Variants in OR2T12 observed in about 807,000 individuals in gnomAD.
OR2T12 encodes olfactory receptor family 2 subfamily T member 12.
For missense variants in OR2T12, 335 were observed against 404.3 expected, an observed-to-expected ratio of 0.83 and a Z score of 1.47; for synonymous variants, 127 against 160.5, an observed-to-expected ratio of 0.79 and a Z score of 1.58.
At chr1:248,296,903 G>T (rs1363907964) in intron 2 of OR2T12, among the ~76,000 whole-genome samples, 2 of 152,106 alleles carry the variant, frequency 1.3e-5, no homozygotes, top group African/African-American at 4.8e-5. Context: ...ATTGCTTTTG[G>T]TGTTTTAGAC....
At chr1:248,298,627 G>C (rs1014726975) in intron 2 of OR2T12, among the ~76,000 whole-genome samples, 3 of 151,276 alleles carry the variant, frequency 2.0e-5, no homozygotes, top group Non-Finnish European at 2.9e-5. Flanking sequence ...AGATTTTCTA[G>C]TTTATTTGCG....
intron 2 of OR2T12, among the ~76,000 whole-genome samples, chr1:248,297,369 A>T (rs199718835): frequency 6.6e-6 from 1 of 151,536 alleles, no homozygotes; most frequent in Non-Finnish European, 1.5e-5. Context: ...ACTTTAAAGT[A>T]GTTTTTTCCA....
At chr1:248,297,285 C>T (rs982859590) in intron 2 of OR2T12, among the ~76,000 whole-genome samples, 12 of 152,118 alleles carry the variant, frequency 7.9e-5, no homozygotes, top group African/African-American at 1.7e-4. Context: ...AGTCAGGTAG[C>T]GTGATGCCTC....
intron 2 of OR2T12, among the ~76,000 whole-genome samples, chr1:248,296,519 G>T (rs1254662438): frequency 6.6e-6 from 1 of 152,084 alleles, no homozygotes; most frequent in Non-Finnish European, 1.5e-5. Flanking sequence ...AGCACCTGTT[G>T]TTTCCTGACT....
intron 2 of OR2T12, among the ~76,000 whole-genome samples, chr1:248,299,942 A>G (rs1199010316): frequency 6.6e-6 from 1 of 152,192 alleles, no homozygotes; most frequent in African/African-American, 2.4e-5. Flanking sequence ...ACTACTGGGT[A>G]CATAACGAAA....
At chr1:248,298,924 C>G (rs1351825291) in intron 2 of OR2T12, among the ~76,000 whole-genome samples, 9 of 152,070 alleles carry the variant, frequency 5.9e-5, no homozygotes, top group Non-Finnish European at 1.3e-4. Flanking sequence ...AATTTCATAT[C>G]TAGCCAAACT....
At position 248,295,309 on chromosome 1, in the gene OR2T12, G is replaced by C. The variant is rs1260618407; in HGVS notation, c.270C>G (p.Ile90Met). 6.2e-7 allele frequency: 1 copy of C among 1,609,280 alleles called. No homozygotes were observed. Among genetic ancestry groups the C allele is most frequent in the Non-Finnish European group, 8.5e-7 (1 of 1,178,424 alleles). The change falls in exon 3 of 3, where the codon ATC becomes ATG. Residue 90 changes from isoleucine to methionine, a missense_variant. Physicochemically the swap from Ile to Met is conservative, Grantham distance 10. Transcript: ENST00000641276. The stretch of plus-strand genomic sequence containing the variant: ...TCTGCACACCACAGCCAGCGCGGGA[G>C]ATGGCCTTATTTCCGGTCAAGTAGT... ...AADYLTGNKAISRAGCGVQIF... is the reference protein window; with the variant it reads ...AADYLTGNKAMSRAGCGVQIF...
In OR2T12 at chr1:248,292,190, T is replaced by C. The variant is rs1008215480; in HGVS notation, c.*2426A>G. The C allele has an allele frequency of 6.6e-6, 1 of 152,102 alleles. No individual in the cohort carries two copies. Among genetic ancestry groups the C allele is most frequent in the African/African-American group, 2.4e-5 (1 of 41,436 alleles). The allele number at this position is 152,102 out of a possible 1,614,324, so 9.4% of individuals were successfully genotyped here. Reference sequence around the variant, plus strand: ...AAAATTACACATTAAAGAGAATATATAGGCAGTGTAAAGGAAAGAGCCAGA... The same window carrying C: ...AAAATTACACATTAAAGAGAATATACAGGCAGTGTAAAGGAAAGAGCCAGA... On this transcript the variant is annotated 3_prime_UTR_variant, in exon 3 of 3. Transcript: ENST00000641276.
chr1:248,295,062 C>G lies in OR2T12; in HGVS notation c.517G>C (p.Asp173His). 6.2e-7 allele frequency: 1 copy of G among 1,609,384 alleles called. No homozygotes were observed. Among genetic ancestry groups the G allele is most frequent in the Non-Finnish European group, 8.5e-7 (1 of 1,179,402 alleles). ...ACGGGGGCCTCGCAGAAGAAGTGAT[C>G]GATCTCGTGTGCACCGCAATATGGG... is the stretch of plus-strand genomic sequence containing the variant. The part of the protein sequence containing the change: ...SFPYCGAHEI[D>H]HFFCEAPVLV... Residue 173 changes from aspartate (D) to histidine (H), a missense_variant, in exon 3 of 3, where the codon GAT becomes CAT. By Grantham distance (81) the Asp-to-His change is moderately conservative. Coordinates refer to ENST00000641276, the MANE Select transcript of OR2T12 (RefSeq NM_001004692.2).
rs368296827 is a variant in OR2T12 at position 248,295,586 on chromosome 1, C to T, written c.-8G>A. The T allele has an allele frequency of 2.8e-5, 44 of 1,563,840 alleles. No homozygotes were observed. In the African/African-American group the frequency reaches 5.4e-4, roughly 19 times the overall value. On this transcript the variant is annotated splice_region_variant and 5_prime_UTR_variant, in exon 3 of 3. Coordinates refer to ENST00000641276, the MANE Select transcript of OR2T12 (RefSeq NM_001004692.2). ...AGTATTTCTCATCTCCATAATTTCC[C>T]CTGGTGTGATGGTGCAAATGGAAAA...
At position 248,292,405 on chromosome 1, in the gene OR2T12, A is replaced by G. The variant is rs1659645258; in HGVS notation, c.*2211T>C. The G allele has an allele frequency of 1.3e-5, 2 of 152,110 alleles. No homozygotes were observed. The highest frequency in any genetic ancestry group is 6.5e-5 in the Admixed American group (1 of 15,270). 9.4% of individuals were successfully genotyped at this position (152,110 alleles called of 1,614,324 possible). On this transcript the variant is annotated 3_prime_UTR_variant, in exon 3 of 3. Transcript: ENST00000641276. ...TTAACTTTAGAGATTCATAAGAACC[A>G]TATCTTCTCATTTTCAAACACACAA...
At position 248,295,194 on chromosome 1, in the gene OR2T12, G is replaced by A. The variant is rs144460046; in HGVS notation, c.385C>T (p.Arg129Ter). The change falls in exon 3 of 3, where the codon CGA (arginine) becomes TGA (stop). Residue 129 changes from arginine (R) to a stop codon, truncating the protein, a stop_gained. Coordinates refer to ENST00000641276, the MANE Select transcript of OR2T12 (RefSeq NM_001004692.2). LOFTEE classifies it low-confidence loss of function (END_TRUNC). ...DRYAAVCHPL[R>*]YPTLMSWQLC... ...TGCCAGCTCATGAGAGTGGGATATC[G>A]GAGTGGGTGGCAGACAGCCGCATAG... is the stretch of plus-strand genomic sequence containing the variant. The A allele has an allele frequency of 1.0e-3, 1,647 of 1,609,638 alleles. 8 individuals carry two copies. In the African/African-American group the frequency reaches 0.02, roughly 19 times the overall value.
chr1:248,297,070 A>G (rs1659739305), intron 2 of OR2T12, among the ~76,000 whole-genome samples: 1 of 152,104 alleles, frequency 6.6e-6, no homozygotes, highest in Non-Finnish European at 1.5e-5. Flanking sequence ...CTTTCTACAT[A>G]TGGCTAGCCA....
intron 2 of OR2T12, among the ~76,000 whole-genome samples, chr1:248,296,178 A>G (rs1446400692): frequency 1.3e-5 from 2 of 152,226 alleles, no homozygotes; most frequent in Non-Finnish European, 2.9e-5. Flanking sequence ...TACAAAGGAC[A>G]TGAACTCATC....
chr1:248,297,410 T>C (rs1461337065), intron 2 of OR2T12, among the ~76,000 whole-genome samples: 1 of 152,052 alleles, frequency 6.6e-6, no homozygotes, highest in East Asian at 1.9e-4. Flanking sequence ...GGTACCTTGA[T>C]GGGGATGGCA....
At chr1:248,300,366 C>T (rs1659797875) in intron 2 of OR2T12, among the ~76,000 whole-genome samples, 1 of 152,072 alleles carries the variant, frequency 6.6e-6, no homozygotes, top group Non-Finnish European at 1.5e-5. Flanking sequence ...CAACCTCCTC[C>T]CTTTCTGGTT....
chr1:248,299,520 A>T (rs1314649431), intron 2 of OR2T12, among the ~76,000 whole-genome samples: 1 of 152,198 alleles, frequency 6.6e-6, no homozygotes, highest in Non-Finnish European at 1.5e-5. Context: ...ATACAGGAGC[A>T]TCCAGATTCA....
chr1:248,300,092 A>G (rs943374000), intron 2 of OR2T12, among the ~76,000 whole-genome samples: 8 of 152,226 alleles, frequency 5.3e-5, no homozygotes, highest in Admixed American at 2.6e-4. Context: ...CCTAAAACTT[A>G]AAGTATAATA....
chr1:248,299,670 C>A (rs1166237757), intron 2 of OR2T12, among the ~76,000 whole-genome samples: 2 of 152,068 alleles, frequency 1.3e-5, no homozygotes, highest in Non-Finnish European at 2.9e-5. Context: ...GAACTCAGCT[C>A]TGCACCAAGC....
Sources: gnomAD v4.1 joint callset for allele counts (sites outside exome capture counted in the v4.1 genomes callset) on GRCh38, gnomAD v4.1.1 for gene constraint, MANE v1.5 for transcripts, NCBI Gene and HGNC (gene_info 2026-07-23, HGNC 2026-07-21) for gene names.